Variants in ATM observed in about 807,000 individuals in gnomAD.
ATM encodes ATM serine/threonine kinase, also known as serine-protein kinase ATM.
In ATM, 308 loss-of-function variants were observed where a neutral mutation model predicts 387.0. The ratio of observed to expected loss-of-function variants is 0.80; its 90% CI spans 0.73 to 0.87. ATM has a LOEUF of 0.87. Ranked by LOEUF, ATM falls within the 40% of genes least tolerant of loss-of-function variation. The pLI, the probability that ATM is intolerant of heterozygous loss-of-function variation, is 0.00. For missense variants in ATM, 3,312 were observed against 3,560.9 expected, an observed-to-expected ratio of 0.93 and a Z score of 1.78; for synonymous variants, 1,156 against 1,187.3, an observed-to-expected ratio of 0.97 and a Z score of 0.54.
chr11:108,277,431 G>C (rs577169833), intron 22 of ATM, among the ~76,000 whole-genome samples: 1 of 152,164 alleles, frequency 6.6e-6, no homozygotes, highest in Non-Finnish European at 1.5e-5. Context: ...CACTCTTGCA[G>C]CTAGCTCAGT....
At chr11:108,359,825 A>T (rs1419355148) in intron 61 of ATM, among the ~76,000 whole-genome samples, 1 of 152,196 alleles carries the variant, frequency 6.6e-6, no homozygotes, top group Admixed American at 6.5e-5. Context: ...ATAGCACTAA[A>T]TGCCCACAAG....
In ATM at chr11:108,279,587, T is replaced by C. The variant is rs1371503633; in HGVS notation, c.3381T>C (p.Ala1127=). ...QTAFENAYLK[A]QEGMREMSHS... ...CTTTTGAAAATGCATACTTGAAAGC[T>C]CAGGAAGGAATGAGAGAAATGGTAA... Residue 1127 remains alanine (A), a synonymous_variant, in exon 23 of 63, where the codon GCT becomes GCC. Coordinates refer to ENST00000675843, the MANE Select transcript of ATM (RefSeq NM_000051.4). The C allele has an allele frequency of 6.2e-7, 1 of 1,612,070 alleles. No individual in the cohort carries two copies. The highest frequency in any genetic ancestry group is 8.5e-7 in the Non-Finnish European group (1 of 1,178,266).
intron 51 of ATM, among the ~76,000 whole-genome samples, 158 bp from the exon 52 acceptor site, chr11:108,331,721 C>T (rs1274800184): frequency 6.6e-6 from 1 of 152,062 alleles, no homozygotes; most frequent in Non-Finnish European, 1.5e-5. Context: ...TCTCTAATTC[C>T]TCATAGGCCT....
intron 35 of ATM, 54 bp downstream of exon 35, chr11:108,301,843 G>C (rs2135917565): frequency 6.3e-7 from 1 of 1,584,070 alleles, no homozygotes; most frequent in Non-Finnish European, 8.7e-7. Context: ...AAACAGTTCT[G>C]TTTGCTGTGG....
chr11:108,259,033 A>G lies in ATM; in HGVS notation c.2424A>G (p.Thr808=), dbSNP rs1555076671. 6.2e-7 allele frequency: 1 copy of G among 1,613,888 alleles called. No individual in the cohort carries two copies. Among genetic ancestry groups the G allele is most frequent in the Non-Finnish European group, 8.5e-7 (1 of 1,179,960 alleles). Residue 808 remains threonine (T), a synonymous_variant, in exon 16 of 63, where the codon ACA becomes ACG. Transcript: ENST00000675843. ...CTGGCTTTTTCCTGCGATTGTTAAC[A>G]TCAAAGCTAATGAATGACATTGCAG... ...IASGFFLRLL[T]SKLMNDIADI... is the part of the protein sequence containing the mutation.
chr11:108,285,502 A>AT (rs1489999731), intron 26 of ATM, among the ~76,000 whole-genome samples: 1 of 152,200 alleles, frequency 6.6e-6, no homozygotes, highest in African/African-American at 2.4e-5. Flanking sequence ...ATTTTTTAAG[A>AT]TAAAAAAGCT....
At position 108,259,305 on chromosome 11, in the gene ATM, C is replaced by T. The variant is rs556891503; in HGVS notation, c.2466+230C>T. On this transcript the variant is annotated intron_variant, in intron 16 of 62. Transcript: ENST00000675843. The stretch of plus-strand genomic sequence containing the variant: ...GAGATTGAGACCATCCTGGCTAACA[C>T]GGTGAAACCCCGTCTCTACTAAAAA... Among the ~76,000 whole-genome samples the T allele has an allele frequency of 2.2e-3, 340 of 152,018 alleles. 1 individual carries two copies. Among genetic ancestry groups the T allele is most frequent in the African/African-American group, 7.2e-3 (297 of 41,488 alleles).
At chr11:108,262,392 A>C (rs577627934) in intron 16 of ATM, among the ~76,000 whole-genome samples, 114 of 152,308 alleles carry the variant, frequency 7.5e-4, no homozygotes, top group Admixed American at 9.8e-4. Context: ...TAAGCTTCAT[A>C]AGTGAAGGAG....
chr11:108,339,344 T>A (rs2087224469), intron 56 of ATM, among the ~76,000 whole-genome samples: 2 of 152,174 alleles, frequency 1.3e-5, no homozygotes, highest in Admixed American at 1.3e-4. Flanking sequence ...TGCCAATAAA[T>A]AATTTTTATT....
rs1191189419 is a variant in ATM, at chr11:108,309,777, CTG to C, written c.5763-381_5763-380del. Among the ~76,000 whole-genome samples, 5 of 152,068 alleles carry C rather than the reference CTG, an allele frequency of 3.3e-5. No homozygotes were observed. In the South Asian group the frequency reaches 6.2e-4, roughly 19 times the overall value. ...GAAACAATATTTTTTATTAAATTGA[CTG>C]TTTTAAAGTGTGTGTTGGGGGGTGC... On this transcript the variant is annotated intron_variant, in intron 38 of 62. Coordinates refer to ENST00000675843, the MANE Select transcript of ATM (RefSeq NM_000051.4).
chr11:108,256,019 T>A (rs1017020916), intron 13 of ATM, among the ~76,000 whole-genome samples, 196 bp from the exon 14 acceptor site: 3 of 152,178 alleles, frequency 2.0e-5, no homozygotes, highest in South Asian at 4.1e-4. Flanking sequence ...ACTTAGGCTA[T>A]TTTTCTTGAG....
chr11:108,232,922 G>A (rs1244390649), intron 4 of ATM, among the ~76,000 whole-genome samples: 1 of 151,796 alleles, frequency 6.6e-6, no homozygotes, highest in Non-Finnish European at 1.5e-5. Context: ...GAGTGCAATG[G>A]CGCCATCTTG....
chr11:108,359,906 C>A (rs1170437859), intron 61 of ATM, among the ~76,000 whole-genome samples: 1 of 152,050 alleles, frequency 6.6e-6, no homozygotes, highest in African/African-American at 2.4e-5. Context: ...GAAGAGCAAA[C>A]ACATTCAAAA....
chr11:108,243,954 A>G lies in ATM; in HGVS notation c.498A>G (p.Glu166=), dbSNP rs587779842. The G allele has an allele frequency of 6.4e-7, 1 of 1,550,818 alleles. No homozygotes were observed. The highest frequency in any genetic ancestry group is 1.2e-5 in the South Asian group (1 of 82,126). Residue 166 remains glutamate (E), a splice_region_variant and synonymous_variant, in exon 6 of 63, where the codon GAA becomes GAG. Coordinates refer to ENST00000675843, the MANE Select transcript of ATM (RefSeq NM_000051.4). The part of the protein sequence containing the change: ...WCEISQQQWL[E]LFSVYFRLYL... ...TAATAATTTTTTTTTTTTTTTAAGAATTGTTCTCTGTGTACTTCAGGCTCT... is the reference window on the plus strand; with the variant it reads ...TAATAATTTTTTTTTTTTTTTAAGAGTTGTTCTCTGTGTACTTCAGGCTCT...
intron 43 of ATM, among the ~76,000 whole-genome samples, chr11:108,319,661 G>C (rs1032698703): frequency 6.6e-6 from 1 of 152,148 alleles, no homozygotes. Flanking sequence ...TTGTCCACTT[G>C]TGAATTCCCC....
At chr11:108,260,313 G>T (rs2080787498) in intron 16 of ATM, among the ~76,000 whole-genome samples, 1 of 152,086 alleles carries the variant, frequency 6.6e-6, no homozygotes, top group African/African-American at 2.4e-5. Flanking sequence ...TGGATTACAG[G>T]TGTGAGCCAC....
chr11:108,227,544 A>C (rs1039736256), intron 1 of ATM, 51 bp from the exon 2 acceptor site: 12 of 1,128,310 alleles, frequency 1.1e-5, no homozygotes, highest in African/African-American at 1.6e-5. Flanking sequence ...TTCTCTCTAT[A>C]TATGCATATA....
chr11:108,367,232 C>T lies in ATM; in HGVS notation c.*1724C>T. On this transcript the variant is annotated 3_prime_UTR_variant, in exon 63 of 63. Transcript: ENST00000675843. ...TCGATCGCTTGACCTCGTGATCCAC[C>T]CTCCTCGGCCTCCCAAAGTGCTGGG... 5.6e-6 allele frequency: 1 copy of T among 178,936 alleles called. No homozygotes were observed. Among genetic ancestry groups the T allele is most frequent in the Non-Finnish European group, 1.2e-5 (1 of 83,352 alleles). 11.1% of individuals were successfully genotyped at this position (178,936 alleles called of 1,614,324 possible). A position where few individuals can be genotyped will look rare whatever the true frequency, so the allele number is the denominator to read the frequency against.
chr11:108,234,090 T>C (rs139252310), intron 4 of ATM, among the ~76,000 whole-genome samples: 1,957 of 152,270 alleles, frequency 0.013, 53 homozygotes, highest in African/African-American at 0.044. Context: ...AATCATACAA[T>C]GGATGTTTTA....
Sources: allele counts gnomAD v4.1 joint callset (sites outside exome capture counted in the v4.1 genomes callset), GRCh38; gene constraint gnomAD v4.1.1; transcripts MANE v1.5; gene names NCBI Gene and HGNC (gene_info 2026-07-23, HGNC 2026-07-21).